XIRP2: variants seen among roughly 807,000 people sequenced by gnomAD.
XIRP2 encodes the protein xin actin binding repeat containing 2, also known as xin actin-binding repeat-containing protein 2.
A neutral mutation model predicts 277.0 loss-of-function variants in XIRP2; 236 were observed. The ratio of observed to expected loss-of-function variants is 0.85; its 90% CI spans 0.77 to 0.95. The LOEUF is 0.95. Ranked by LOEUF, XIRP2 falls within the 40% of genes least tolerant of loss-of-function variation. The pLI, the probability that XIRP2 is intolerant of heterozygous loss-of-function variation, is 0.00. For missense variants in XIRP2, 4,640 were observed against 4,157.5 expected (o/e 1.12, Z -3.19); for synonymous variants, 1,490 against 1,416.5 (o/e 1.05, Z -1.17).
chr2:167,253,886 G>A, intron 9 of XIRP2, 146 bp from the exon 10 acceptor site: 1 of 871,936 alleles, frequency 1.1e-6, no homozygotes, highest in Non-Finnish European at 1.7e-6. Context: ...GTTAGTCTCT[G>A]TCCAGAGAAA....
intron 2 of XIRP2, among the ~76,000 whole-genome samples, chr2:166,983,546 T>C (rs1397568501): frequency 6.6e-6 from 1 of 152,208 alleles, no homozygotes; most frequent in African/African-American, 2.4e-5. Flanking sequence ...TGTTTTCTTC[T>C]TCTGAAAAGT....
chr2:167,243,978 A>G lies in XIRP2; in HGVS notation c.2586A>G (p.Leu862=), dbSNP rs1695163566. 6.2e-7 allele frequency: 1 copy of G among 1,614,052 alleles called. No homozygotes were observed. The highest frequency in any genetic ancestry group is 8.5e-7 in the Non-Finnish European group (1 of 1,179,936). ...AAGAAGTTCCTGATGCAGATTCTCTACAACGTGAGGAGATAATAGGTGGTG... is the reference window on the plus strand; with the variant it reads ...AAGAAGTTCCTGATGCAGATTCTCTGCAACGTGAGGAGATAATAGGTGGTG... ...ILKEVPDADS[L]QREEIIGGDV... Residue 862 remains leucine, a synonymous_variant, in exon 9 of 11, where the codon CTA becomes CTG. Coordinates refer to ENST00000409195, the MANE Select transcript of XIRP2 (RefSeq NM_152381.6).
chr2:167,200,344 C>G (rs1042623993), intron 3 of XIRP2, among the ~76,000 whole-genome samples: 1 of 152,150 alleles, frequency 6.6e-6, no homozygotes, highest in East Asian at 1.9e-4. Flanking sequence ...CTCAAAGGTC[C>G]CATAGCAAAT....
intron 2 of XIRP2, among the ~76,000 whole-genome samples, chr2:167,086,109 C>T (rs1689933667): frequency 1.3e-5 from 2 of 151,990 alleles, no homozygotes; most frequent in African/African-American, 4.8e-5. Flanking sequence ...TTTAGCACTT[C>T]CTTCAGGAGC....
intron 5 of XIRP2, among the ~76,000 whole-genome samples, chr2:167,224,322 C>T (rs981533139): frequency 9.2e-5 from 14 of 152,172 alleles, no homozygotes; most frequent in African/African-American, 3.4e-4. Context: ...TAACCCCTAC[C>T]TCCCAGGCTC....
intron 2 of XIRP2, among the ~76,000 whole-genome samples, chr2:167,074,133 A>G (rs1689503235): frequency 6.6e-6 from 1 of 152,158 alleles, no homozygotes; most frequent in African/African-American, 2.4e-5. Context: ...ATCATTCTCT[A>G]GAAAGATGAA....
chr2:167,031,341 C>A (rs1374722638), intron 2 of XIRP2, among the ~76,000 whole-genome samples: 1 of 151,996 alleles, frequency 6.6e-6, no homozygotes. Flanking sequence ...CCGGTTTTTC[C>A]TTTCCATATT....
intron 2 of XIRP2, among the ~76,000 whole-genome samples, chr2:167,098,100 G>C (rs1690373028): frequency 1.3e-5 from 2 of 152,174 alleles, no homozygotes; most frequent in African/African-American, 4.8e-5. Flanking sequence ...GGCCTGTCTT[G>C]CTAGGTTGGG....
intron 2 of XIRP2, among the ~76,000 whole-genome samples, chr2:167,122,887 T>A (rs1473834920): frequency 6.6e-6 from 1 of 152,158 alleles, no homozygotes; most frequent in East Asian, 1.9e-4. Context: ...TACAGTTTTT[T>A]TATTTGGGTC....
chr2:167,035,160 A>G (rs1157451566), intron 2 of XIRP2, among the ~76,000 whole-genome samples: 5 of 152,140 alleles, frequency 3.3e-5, no homozygotes, highest in African/African-American at 2.4e-5. Flanking sequence ...CAGCATGAAC[A>G]TGGATTAATA....
chr2:167,049,197 T>TA (rs1029467691), intron 2 of XIRP2, among the ~76,000 whole-genome samples: 6 of 151,708 alleles, frequency 4.0e-5, no homozygotes, highest in African/African-American at 1.2e-4. Flanking sequence ...TTTTTTTTTT[T>TA]AATCAGGGTT....
chr2:167,082,140 C>G (rs1427941432), intron 2 of XIRP2, among the ~76,000 whole-genome samples: 1 of 150,134 alleles, frequency 6.7e-6, no homozygotes, highest in East Asian at 2.0e-4. Context: ...ATTCCCCTTC[C>G]TGTGTCCATG....
intron 2 of XIRP2, among the ~76,000 whole-genome samples, chr2:166,998,072 C>T (rs1687271037): frequency 6.6e-6 from 1 of 152,020 alleles, no homozygotes; most frequent in Admixed American, 6.6e-5. Flanking sequence ...CTTCAGAATA[C>T]ACATAAAATG....
At chr2:166,953,639 C>G (rs1238985429) in intron 2 of XIRP2, among the ~76,000 whole-genome samples, 2 of 151,950 alleles carry the variant, frequency 1.3e-5, no homozygotes, top group Admixed American at 1.3e-4. Flanking sequence ...TTAGTCTGGA[C>G]TTGCCTTTGA....
At chr2:167,050,305 CTAA>C (rs1688884830) in intron 2 of XIRP2, among the ~76,000 whole-genome samples, 1 of 152,008 alleles carries the variant, frequency 6.6e-6, no homozygotes, top group African/African-American at 2.4e-5. Context: ...TCTAAATTCA[CTAA>C]TGTCTCCAGA....
At position 167,247,624 on chromosome 2, in the gene XIRP2, T is replaced by C. The variant is rs764427686; in HGVS notation, c.6232T>C (p.Tyr2078His). 1.9e-6 allele frequency: 3 copies of C among 1,613,670 alleles called. No homozygotes were observed. Among genetic ancestry groups the C allele is most frequent in the Non-Finnish European group, 2.5e-6 (3 of 1,179,752 alleles). Residue 2078 changes from tyrosine to histidine, a missense_variant, in exon 9 of 11, where the codon TAT becomes CAT. By Grantham distance (83) the Tyr-to-His change is moderately conservative. Transcript: ENST00000409195. Reference protein sequence around the residue: ...TTGEQHLRDEYMSRQLTSTVS... With the variant: ...TTGEQHLRDEHMSRQLTSTVS... ...AGGAGAACAGCATCTTAGAGATGAA[T>C]ATATGAGCAGACAATTAACTTCAAC... is the stretch of plus-strand genomic sequence containing the variant.
intron 2 of XIRP2, among the ~76,000 whole-genome samples, chr2:166,980,643 C>T (rs543969267): frequency 1.3e-5 from 2 of 152,234 alleles, no homozygotes; most frequent in East Asian, 3.9e-4. Flanking sequence ...GTCTCGAGCT[C>T]CTGACCTCAG....
chr2:167,175,174 A>T (rs540126142), intron 3 of XIRP2, among the ~76,000 whole-genome samples: 1 of 152,208 alleles, frequency 6.6e-6, no homozygotes, highest in African/African-American at 2.4e-5. Flanking sequence ...TACTATTGAC[A>T]GTGGGGTGCT....
At chr2:166,936,670 A>C (rs530062049) in intron 2 of XIRP2, among the ~76,000 whole-genome samples, 20 of 152,326 alleles carry the variant, frequency 1.3e-4, no homozygotes, top group African/African-American at 4.8e-4. Flanking sequence ...TAAATAGGGA[A>C]TCCTTTCCCC....
Sources: gnomAD v4.1 joint callset for allele counts (sites outside exome capture counted in the v4.1 genomes callset) on GRCh38, gnomAD v4.1.1 for gene constraint, MANE v1.5 for transcripts, NCBI Gene and HGNC (gene_info 2026-07-23, HGNC 2026-07-21) for gene names.